HSPG2: variants seen among roughly 807,000 people sequenced by gnomAD.
The protein encoded by HSPG2 is heparan sulfate proteoglycan 2.
Under a neutral mutation model 526.6 loss-of-function variants are expected in HSPG2, and 278 were observed. That is an observed-to-expected ratio of 0.53 (90% confidence interval 0.48 to 0.58). The LOEUF is 0.58. HSPG2 is among the 20% of genes least tolerant of loss of function. The pLI is 0.00. For synonymous variants in HSPG2, 2,465 were observed against 2,555.4 expected (o/e 0.96, Z 1.07); for missense variants, 5,354 against 6,099.5 (o/e 0.88, Z 4.07).
At position 21,852,752 on chromosome 1, in the gene HSPG2, G is replaced by A. The variant is rs545388531; in HGVS notation, c.6672C>T (p.Ser2224=). 20 of 1,613,428 alleles carry A rather than the reference G, an allele frequency of 1.2e-5. No homozygotes were observed. In the Admixed American group the frequency reaches 1.3e-4, roughly 11 times the overall value. ...CCAGGACTGAGGCCTCTAGGGGGCC[G>A]GAGGTGCCCACCACATGGCACACAT... ...GEYVCHVVGT[S]GPLEASVLVT... Residue 2224 remains serine (S), a synonymous_variant, in exon 52 of 97, where the codon TCC becomes TCT. Coordinates refer to ENST00000374695, the MANE Select transcript of HSPG2 (RefSeq NM_005529.7).
chr1:21,896,685 C>T (rs886809247), intron 1 of HSPG2, among the ~76,000 whole-genome samples: 6 of 151,946 alleles, frequency 3.9e-5, no homozygotes, highest in African/African-American at 9.7e-5. Flanking sequence ...CCTCGGGCAG[C>T]GCAGATGGGG....
chr1:21,829,940 G>A lies in HSPG2; in HGVS notation c.11770+53C>T. On this transcript the variant is annotated intron_variant, in intron 86 of 96. Coordinates refer to ENST00000374695, the MANE Select transcript of HSPG2 (RefSeq NM_005529.7). ...TCATGGCCTCAGAGTGCCCCACCCA[G>A]CCTCCCCAGCTGACACTAGGACCCT... 4 of 1,456,776 alleles carry A rather than the reference G, an allele frequency of 2.7e-6. No homozygotes were observed. In the South Asian group the frequency reaches 4.8e-5, roughly 18 times the overall value. 90.2% of individuals were successfully genotyped at this position (1,456,776 alleles called of 1,614,324 possible).
At position 21,917,466 on chromosome 1, in the gene HSPG2, T is replaced by C. The variant is rs549250453; in HGVS notation, c.63+19689A>G. Among the ~76,000 whole-genome samples the C allele has an allele frequency of 2.5e-3, 328 of 133,666 alleles. 2 individuals are homozygous for C. The highest frequency in any genetic ancestry group is 0.011 in the African/African-American group (321 of 28,500). 87.7% of individuals were successfully genotyped at this position (133,666 alleles called of 152,430 possible). A position where few individuals can be genotyped will look rare whatever the true frequency, so the allele number is the denominator to read the frequency against. ...ATAAATAAATAAATAAATAAATAAA[T>C]AAATAAATAAATAAATAAAAATAAA... On this transcript the variant is annotated intron_variant, in intron 1 of 96. Coordinates refer to ENST00000374695, the MANE Select transcript of HSPG2 (RefSeq NM_005529.7).
rs368929158 is a variant in HSPG2 at position 21,895,911 on chromosome 1, C to A, written c.244+11G>T. The A allele has an allele frequency of 5.0e-6, 8 of 1,613,668 alleles. No individual in the cohort carries two copies. Among genetic ancestry groups the A allele is most frequent in the African/African-American group, 1.3e-5 (1 of 74,922 alleles). On this transcript the variant is annotated intron_variant, in intron 3 of 96. Transcript: ENST00000374695. The surrounding 1 kb of genome is among the most constrained non-coding windows in gnomAD (Gnocchi z 4.1). ...AGGAGGGAGACCTGCAGGAGGCCTG[C>A]AGCAACTTACCCATCTGGAAGTCCC...
At position 21,848,688 on chromosome 1, in the gene HSPG2, G is replaced by A. The variant is rs1183697180; in HGVS notation, c.7692C>T (p.Thr2564=). Residue 2564 remains threonine (T), a synonymous_variant, in exon 59 of 97, where the codon ACC becomes ACT. Coordinates refer to ENST00000374695, the MANE Select transcript of HSPG2 (RefSeq NM_005529.7). This position sits in a 1 kb window ranked among gnomAD's most constrained non-coding sequence, Gnocchi z 4.9. ...NCLVASQAPH[T]ITWYKRGGSL... ...TGCCTCCACGCTTATACCAGGTGAT[G>A]GTGTGGGGAGCCTGGCTGGCAACCA... 2 of 1,613,732 alleles carry A rather than the reference G, an allele frequency of 1.2e-6. No individual in the cohort carries two copies. Among genetic ancestry groups the A allele is most frequent in the Admixed American group, 1.7e-5 (1 of 60,002 alleles).
chr1:21,887,207 A>T lies in HSPG2; in HGVS notation c.1078+8T>A. 2 of 1,608,890 alleles carry T rather than the reference A, an allele frequency of 1.2e-6. No individual in the cohort carries two copies. Among genetic ancestry groups the T allele is most frequent in the Non-Finnish European group, 1.7e-6 (2 of 1,178,114 alleles). Reference sequence around the variant, plus strand: ...AAGGGGGCCTCAGCTGGACCCTCGGATACTCACGGCAGTTGGCTTCATCAG... The same window carrying T: ...AAGGGGGCCTCAGCTGGACCCTCGGTTACTCACGGCAGTTGGCTTCATCAG... On this transcript the variant is annotated splice_region_variant and intron_variant, in intron 9 of 96. Transcript: ENST00000374695. This position sits in a 1 kb window ranked among gnomAD's most constrained non-coding sequence, Gnocchi z 5.0.
Position 21,850,074 on chromosome 1 carries a change from G to A in HSPG2, c.7413C>T (p.His2471=). 6.2e-7 allele frequency: 1 copy of A among 1,613,504 alleles called. No homozygotes were observed. Among genetic ancestry groups the A allele is most frequent in the Non-Finnish European group, 8.5e-7 (1 of 1,180,026 alleles). ...AGQAHAQVTW[H]KRGGSLPARH... is the part of the protein sequence containing the mutation. Reference sequence around the variant, plus strand: ...GGGCCGGGAGGCTGCCCCCGCGCTTGTGCCACGTGACCTGGGCATGGGCCT... The same window carrying A: ...GGGCCGGGAGGCTGCCCCCGCGCTTATGCCACGTGACCTGGGCATGGGCCT... Residue 2471 remains histidine (H), a synonymous_variant, in exon 57 of 97, where the codon CAC becomes CAT. Transcript: ENST00000374695.
At chr1:21,853,168 A>G in intron 50 of HSPG2, 98 bp from the exon 51 acceptor site, 1 of 1,545,830 alleles carries the variant, frequency 6.5e-7, no homozygotes, top group Non-Finnish European at 8.8e-7. Context: ...CCTAGTGGGG[A>G]CGGCCGACAG....
chr1:21,889,558 T>C (rs939317444), intron 6 of HSPG2, among the ~76,000 whole-genome samples: 1 of 150,562 alleles, frequency 6.6e-6, no homozygotes, highest in Non-Finnish European at 1.5e-5. Context: ...TTTCTGGGCC[T>C]CAGTTCCCTC....
Position 21,887,025 on chromosome 1 carries a change from A to C in HSPG2, c.1078+190T>G, listed in dbSNP as rs1163368730. 1.3e-5 allele frequency among the ~76,000 whole-genome samples: 2 copies of C among 150,274 alleles called. No homozygotes were observed. The highest frequency in any genetic ancestry group is 1.3e-4 in the Admixed American group (2 of 14,990). ...CAAGGGGCCTTACGGCTCTGGTTAG[A>C]GATAAACCTTGGGGTGTGTCTCCAG... On this transcript the variant is annotated intron_variant, in intron 9 of 96. Coordinates refer to ENST00000374695, the MANE Select transcript of HSPG2 (RefSeq NM_005529.7). The surrounding 1 kb of genome is among the most constrained non-coding windows in gnomAD (Gnocchi z 5.0).
Position 21,839,560 on chromosome 1 carries a change from C to A in HSPG2, c.9710-10G>T, listed in dbSNP as rs369434104. 2 of 1,613,444 alleles carry A rather than the reference C, an allele frequency of 1.2e-6. No individual in the cohort carries two copies. Among genetic ancestry groups the A allele is most frequent in the Non-Finnish European group, 1.7e-6 (2 of 1,179,816 alleles). ...GTGGGCGCGGGGCTGCCTGTGGAGT[C>A]GAGTGGAAGATGACAGAAGTCACTG... On this transcript the variant is annotated splice_polypyrimidine_tract_variant and intron_variant, in intron 72 of 96. Transcript: ENST00000374695. The surrounding 1 kb of genome is among the most constrained non-coding windows in gnomAD (Gnocchi z 4.5).
At chr1:21,914,212 T>C (rs762906109) in intron 1 of HSPG2, among the ~76,000 whole-genome samples, 3 of 152,100 alleles carry the variant, frequency 2.0e-5, no homozygotes, top group Non-Finnish European at 4.4e-5. Context: ...CAAATATACA[T>C]GTCAAATGGT....
chr1:21,914,606 A>G (rs1293815477), intron 1 of HSPG2, among the ~76,000 whole-genome samples: 1 of 152,176 alleles, frequency 6.6e-6, no homozygotes, highest in Non-Finnish European at 1.5e-5. Flanking sequence ...GTCTGAGTCC[A>G]AGCTCTGATT....
intron 1 of HSPG2, among the ~76,000 whole-genome samples, chr1:21,912,626 C>T (rs1643736711): frequency 6.6e-6 from 1 of 152,174 alleles, no homozygotes; most frequent in Non-Finnish European, 1.5e-5. Flanking sequence ...CTTCCGGCTG[C>T]TGGGGAACTT....
chr1:21,933,361 G>A (rs1644395705), intron 1 of HSPG2, among the ~76,000 whole-genome samples: 3 of 152,172 alleles, frequency 2.0e-5, no homozygotes, highest in Non-Finnish European at 2.9e-5. Context: ...TCTGAGCACC[G>A]CAGGGAGGTG....
In HSPG2 at chr1:21,890,099, C is replaced by G. The variant is rs575330207; in HGVS notation, c.456G>C (p.Ser152=). 42 of 1,613,960 alleles carry G rather than the reference C, an allele frequency of 2.6e-5. No individual in the cohort carries two copies. The highest frequency in any genetic ancestry group is 3.1e-5 in the Non-Finnish European group (36 of 1,179,984). ...GWVFVELDVG[S]EGNADGAQIQ... ...TCTGAGCCCCATCCGCATTCCCTTC[C>G]GAGCCCACATCCAGCTCCACAAAAA... The change falls in exon 6 of 97, where the codon TCG becomes TCC. Residue 152 remains serine (S), a synonymous_variant. Coordinates refer to ENST00000374695, the MANE Select transcript of HSPG2 (RefSeq NM_005529.7). This position sits in a 1 kb window ranked among gnomAD's most constrained non-coding sequence, Gnocchi z 4.1.
intron 29 of HSPG2, 35 bp from the exon 30 acceptor site, chr1:21,873,459 T>G (rs1444521511): frequency 6.2e-7 from 1 of 1,609,878 alleles, no homozygotes; most frequent in South Asian, 1.1e-5. Flanking sequence ...GAATTTTGGA[T>G]GAAGGGAAGC....
At chr1:21,911,838 T>C (rs1643699008) in intron 1 of HSPG2, among the ~76,000 whole-genome samples, 1 of 152,176 alleles carries the variant, frequency 6.6e-6, no homozygotes, top group Non-Finnish European at 1.5e-5. Context: ...CCACTCCCAG[T>C]TCGGTGCCAA....
chr1:21,829,286 C>G (rs1007178346), intron 87 of HSPG2, 97 bp downstream of exon 87: 1 of 1,434,710 alleles, frequency 7.0e-7, no homozygotes, highest in African/African-American at 1.4e-5. Flanking sequence ...TGCCCTGATC[C>G]CTGCATTTAT....
Sources: gnomAD v4.1 joint callset for allele counts (sites outside exome capture counted in the v4.1 genomes callset) on GRCh38, gnomAD v4.1.1 for gene constraint, Gnocchi (gnomAD v3.1) non-coding constraint, MANE v1.5 for transcripts, NCBI Gene and HGNC (gene_info 2026-07-23, HGNC 2026-07-21) for gene names.